The following CDH17 variants were observed in gnomAD, a reference collection of about 807,000 sequenced individuals.
CDH17 encodes cadherin 17, also known as cadherin-17.
A neutral mutation model predicts 86.3 loss-of-function variants in CDH17; 67 were observed. The ratio of observed to expected loss-of-function variants is 0.78; its 90% CI spans 0.64 to 0.95. The LOEUF is 0.95. CDH17 is among the 40% of genes least tolerant of loss of function. The pLI is 0.00. For synonymous variants in CDH17, 367 were observed against 366.4 expected, an observed-to-expected ratio of 1.00 and a Z score of -0.02; for missense variants, 993 against 1,017.6, an observed-to-expected ratio of 0.98 and a Z score of 0.33.
chr8:94,140,316 G>A (rs1162112873), intron 15 of CDH17, among the ~76,000 whole-genome samples: 1 of 152,046 alleles, frequency 6.6e-6, no homozygotes, highest in Non-Finnish European at 1.5e-5. Flanking sequence ...TGTAGTCCCA[G>A]CTACTTGGGA....
chr8:94,155,325 C>T (rs940522805), intron 12 of CDH17, among the ~76,000 whole-genome samples: 2 of 151,802 alleles, frequency 1.3e-5, no homozygotes, highest in African/African-American at 4.8e-5. Context: ...CAGGGGATGA[C>T]AGAACTGTCC....
intron 15 of CDH17, among the ~76,000 whole-genome samples, chr8:94,134,390 G>C (rs1812480630): frequency 6.6e-6 from 1 of 152,150 alleles, no homozygotes; most frequent in Non-Finnish European, 1.5e-5. Context: ...TGGGAAGGGT[G>C]TATGTGTCCA....
intron 14 of CDH17, among the ~76,000 whole-genome samples, chr8:94,147,280 A>G (rs1218864985): frequency 6.6e-6 from 1 of 152,190 alleles, no homozygotes; most frequent in African/African-American, 2.4e-5. Context: ...TGCTGCACTC[A>G]AGCAAGAGAC....
chr8:94,189,335 C>T, intron 2 of CDH17, 50 bp from the exon 3 acceptor site: 1 of 1,344,918 alleles, frequency 7.4e-7, no homozygotes, highest in Non-Finnish European at 1.0e-6. Context: ...GTGTCTGTGT[C>T]ACTCATTGAT....
chr8:94,136,781 A>G (rs1369016005), intron 15 of CDH17, among the ~76,000 whole-genome samples: 1 of 152,072 alleles, frequency 6.6e-6, no homozygotes, highest in Non-Finnish European at 1.5e-5. Flanking sequence ...TTGGTCTTTG[A>G]TGTTGGTGAC....
intron 3 of CDH17, among the ~76,000 whole-genome samples, chr8:94,180,782 C>T (rs998924605): frequency 6.6e-6 from 1 of 152,094 alleles, no homozygotes; most frequent in Non-Finnish European, 1.5e-5. Flanking sequence ...GTAGTCCCAG[C>T]TACTTGGGAG....
At chr8:94,210,226 T>TAAAAAAAAAAAAAAA (rs71567010), upstream of CDH17, among the ~76,000 whole-genome samples, 3 of 53,458 alleles carry the variant, frequency 5.6e-5, 1 homozygote, top group African/African-American at 7.0e-5. Context: ...TTTATGCGAG[T>TAAAAAAAAAAAAAAA]AAAAAAAAAA....
intron 13 of CDH17, among the ~76,000 whole-genome samples, chr8:94,149,179 G>C (rs920464209): frequency 6.6e-6 from 1 of 152,050 alleles, no homozygotes; most frequent in Non-Finnish European, 1.5e-5. Flanking sequence ...ACAACTTCTG[G>C]GGAAAGTAGT....
intron 1 of CDH17, among the ~76,000 whole-genome samples, chr8:94,199,074 TATA>T (rs1563589543): frequency 8.7e-4 from 18 of 20,684 alleles, no homozygotes; most frequent in Non-Finnish European, 1.8e-3. Context: ...TATATATATA[TATA>T]TATATATTTT....
chr8:94,210,963 T>C (rs866834023), upstream of CDH17, among the ~76,000 whole-genome samples: 2 of 150,250 alleles, frequency 1.3e-5, no homozygotes, highest in Admixed American at 6.6e-5. Context: ...GGAGGTTGCA[T>C]TGAGCCGAGA....
rs1181298439 is a variant in CDH17 at position 94,127,218 on chromosome 8, T to C, written c.*1022A>G. 6.6e-6 allele frequency: 1 copy of C among 152,236 alleles called. No homozygotes were observed. Among genetic ancestry groups the C allele is most frequent in the Non-Finnish European group, 1.5e-5 (1 of 68,044 alleles). The allele number at this position is 152,236 out of a possible 1,614,324, so 9.4% of individuals were successfully genotyped here. A position where few individuals can be genotyped will look rare whatever the true frequency, so the allele number is the denominator to read the frequency against. On this transcript the variant is annotated 3_prime_UTR_variant, in exon 18 of 18. Transcript: ENST00000027335. ...TATTCTTGATTTGTCACCACTCTTTTCATGTCTTGTTTTCTTCCACATGTT... is the reference window on the plus strand; with the variant it reads ...TATTCTTGATTTGTCACCACTCTTTCCATGTCTTGTTTTCTTCCACATGTT...
At chr8:94,214,239 G>C (rs976140875) in intron 1 of CDH17, among the ~76,000 whole-genome samples, 1 of 152,120 alleles carries the variant, frequency 6.6e-6, no homozygotes, top group African/African-American at 2.4e-5. Context: ...AGGAAGTACT[G>C]TCATGGGGTC....
At chr8:94,196,687 C>A (rs760824007) in intron 1 of CDH17, among the ~76,000 whole-genome samples, 2 of 152,046 alleles carry the variant, frequency 1.3e-5, no homozygotes, top group Non-Finnish European at 2.9e-5. Flanking sequence ...AAAAGCAGCC[C>A]CAAAATCATT....
intron 4 of CDH17, 72 bp downstream of exon 4, chr8:94,177,515 C>A (rs1384310213): frequency 6.6e-7 from 1 of 1,504,816 alleles, no homozygotes; most frequent in Non-Finnish European, 9.2e-7. Context: ...AAGGAAGGTG[C>A]CAGCCATACT....
intron 3 of CDH17, among the ~76,000 whole-genome samples, chr8:94,187,360 T>C (rs1461872170): frequency 1.3e-5 from 2 of 152,250 alleles, no homozygotes; most frequent in East Asian, 1.9e-4. Flanking sequence ...GTTAGTTTTC[T>C]CTTACTAGCT....
At position 94,200,303 on chromosome 8, in the gene CDH17, G is replaced by T. The variant is rs80160883; in HGVS notation, c.-20-5598C>A. Among the ~76,000 whole-genome samples, 130 of 152,132 alleles carry T rather than the reference G, an allele frequency of 8.5e-4. No individual in the cohort carries two copies. The East Asian group carries it at 0.014, about 16-fold the overall frequency. On this transcript the variant is annotated intron_variant, in intron 1 of 17. Coordinates refer to ENST00000027335, the MANE Select transcript of CDH17 (RefSeq NM_004063.4). ...CGAAACCACCAAGCCAGACACCTAG[G>T]TTTCCTCAAAAACACTACTTGGAAA...
chr8:94,153,687 T>TACAC lies in CDH17; in HGVS notation c.1552-1579_1552-1576dup, dbSNP rs1175471653. ...ATACACACGCACACACATATATATA[T>TACAC]ACACACACACAATGAAATACTGTTC... On this transcript the variant is annotated intron_variant, in intron 12 of 17. Coordinates refer to ENST00000027335, the MANE Select transcript of CDH17 (RefSeq NM_004063.4). Among the ~76,000 whole-genome samples the TACAC allele has an allele frequency of 2.6e-5, 4 of 152,164 alleles. No individual in the cohort carries two copies. The East Asian group carries it at 7.7e-4, about 29-fold the overall frequency.
At chr8:94,184,660 T>C (rs1771736287) in intron 3 of CDH17, among the ~76,000 whole-genome samples, 1 of 152,110 alleles carries the variant, frequency 6.6e-6, no homozygotes, top group Non-Finnish European at 1.5e-5. Context: ...GCAGTGATAT[T>C]TGCACGTCTT....
rs959956634 is a variant in CDH17, at chr8:94,127,809, T to C, written c.*431A>G. The C allele has an allele frequency of 1.2e-5, 2 of 162,600 alleles. No individual in the cohort carries two copies. The highest frequency in any genetic ancestry group is 2.7e-5 in the Non-Finnish European group (2 of 74,650). 10.1% of individuals were successfully genotyped at this position (162,600 alleles called of 1,614,324 possible). A position where few individuals can be genotyped will look rare whatever the true frequency, so the allele number is the denominator to read the frequency against. ...AAATCTCTCTAATGTCTATAGCACATGAAATATCTAAGTAGGTGGGTGCAG... is the reference window on the plus strand; with the variant it reads ...AAATCTCTCTAATGTCTATAGCACACGAAATATCTAAGTAGGTGGGTGCAG... On this transcript the variant is annotated 3_prime_UTR_variant, in exon 18 of 18. Coordinates refer to ENST00000027335, the MANE Select transcript of CDH17 (RefSeq NM_004063.4).
Sources: gnomAD v4.1 joint callset for allele counts (sites outside exome capture counted in the v4.1 genomes callset) on GRCh38, gnomAD v4.1.1 for gene constraint, MANE v1.5 for transcripts, NCBI Gene and HGNC (gene_info 2026-07-23, HGNC 2026-07-21) for gene names.